The following PRKD1 variants were observed in gnomAD, a reference collection of about 807,000 sequenced individuals.
PRKD1 encodes serine/threonine-protein kinase D1.
Under a neutral mutation model 95.9 loss-of-function variants are expected in PRKD1, and 63 were observed. The observed-to-expected ratio is 0.66, with a 90% CI of 0.54 to 0.81. The LOEUF (loss-of-function observed/expected upper bound fraction) is 0.81. Among genes scored for constraint, PRKD1 ranks in the 30% least tolerant of loss-of-function variants. PRKD1 has a pLI of 0.00. For missense variants in PRKD1, 1,048 were observed against 1,165.3 expected (o/e 0.90, Z 1.47); for synonymous variants, 425 against 423.1 (o/e 1.00, Z -0.05).
chr14:29,598,380 T>C (rs1011766065), intron 15 of PRKD1, among the ~76,000 whole-genome samples: 1 of 151,290 alleles, frequency 6.6e-6, no homozygotes, highest in Non-Finnish European at 1.5e-5. Flanking sequence ...GAGACAAATA[T>C]GAAGACAAGT....
At chr14:29,883,947 C>A (rs1038605975) in intron 1 of PRKD1, among the ~76,000 whole-genome samples, 3 of 152,148 alleles carry the variant, frequency 2.0e-5, no homozygotes, top group African/African-American at 7.2e-5. Context: ...TTTAACCTCC[C>A]CATATGGTTG....
chr14:29,694,096 T>C (rs66634512), intron 2 of PRKD1, among the ~76,000 whole-genome samples: 10,502 of 152,204 alleles, frequency 0.069, 924 homozygotes, highest in African/African-American at 0.2. Context: ...GATCCTCCAA[T>C]AGTTCTTCCT....
intron 1 of PRKD1, among the ~76,000 whole-genome samples, chr14:29,825,736 G>C (rs1891083406): frequency 6.6e-6 from 1 of 152,022 alleles, no homozygotes; most frequent in East Asian, 1.9e-4. Flanking sequence ...TGTCAACATA[G>C]TGGTTTTTGA....
chr14:29,639,508 A>T (rs546890589), intron 4 of PRKD1, among the ~76,000 whole-genome samples: 8 of 152,194 alleles, frequency 5.3e-5, no homozygotes, highest in African/African-American at 1.9e-4. Context: ...AATCCCAGCT[A>T]CTCGGTATGC....
At chr14:29,832,934 G>C (rs2139298581) in intron 1 of PRKD1, among the ~76,000 whole-genome samples, 1 of 151,966 alleles carries the variant, frequency 6.6e-6, no homozygotes, top group South Asian at 2.1e-4. Flanking sequence ...TGTATATGCA[G>C]CCTTCTTTCT....
At chr14:29,819,605 G>T (rs1253423649) in intron 1 of PRKD1, among the ~76,000 whole-genome samples, 1 of 152,074 alleles carries the variant, frequency 6.6e-6, no homozygotes, top group Admixed American at 6.6e-5. Flanking sequence ...AAGGAGAATG[G>T]CATGAACCCG....
Position 29,663,148 on chromosome 14 carries a change from C to CATATATATATATATATAT in PRKD1, c.696+533_696+550dup, listed in dbSNP as rs61506580. Among the ~76,000 whole-genome samples, 316 of 131,594 alleles carry CATATATATATATATATAT rather than the reference C, an allele frequency of 2.4e-3. 3 individuals are homozygous for CATATATATATATATATAT. The highest frequency in any genetic ancestry group is 0.019 in the South Asian group (75 of 3,942). The allele number at this position is 131,594 out of a possible 152,430, so 86.3% of individuals were successfully genotyped here. On this transcript the variant is annotated intron_variant, in intron 4 of 17. Coordinates refer to ENST00000331968, the MANE Select transcript of PRKD1 (RefSeq NM_002742.3). ...CTTATGGATATAGTTAATATTCTTC[C>CATATATATATATATATAT]ATATATATATATATATATATATTCT... is the stretch of plus-strand genomic sequence containing the variant.
At chr14:29,608,573 C>T (rs919271345) in intron 13 of PRKD1, among the ~76,000 whole-genome samples, 1 of 152,060 alleles carries the variant, frequency 6.6e-6, no homozygotes, top group African/African-American at 2.4e-5. Context: ...TTTCTTGTTG[C>T]CAACCCTAAG....
chr14:29,760,722 T>C (rs763783390), intron 1 of PRKD1, among the ~76,000 whole-genome samples: 2 of 152,222 alleles, frequency 1.3e-5, no homozygotes, highest in African/African-American at 4.8e-5. Flanking sequence ...CTACACCTAG[T>C]AGCTCCATTC....
At chr14:29,592,467 C>T (rs75751635) in intron 16 of PRKD1, among the ~76,000 whole-genome samples, 17,566 of 152,106 alleles carry the variant, frequency 0.12, 1,073 homozygotes, top group East Asian at 0.18. Flanking sequence ...CAATTTATTA[C>T]TTAACTATTG....
intron 4 of PRKD1, among the ~76,000 whole-genome samples, chr14:29,653,168 T>C (rs550933981): frequency 2.0e-5 from 3 of 152,186 alleles, no homozygotes; most frequent in Non-Finnish European, 4.4e-5. Flanking sequence ...TTAGAAAATA[T>C]GCAACCTCAC....
intron 1 of PRKD1, among the ~76,000 whole-genome samples, chr14:29,841,442 T>C (rs893307789): frequency 6.6e-6 from 1 of 152,088 alleles, no homozygotes; most frequent in Non-Finnish European, 1.5e-5. Flanking sequence ...AAGAACCCAT[T>C]GGGGGGTTAC....
chr14:29,604,525 A>C (rs1024318257), intron 13 of PRKD1, among the ~76,000 whole-genome samples: 3 of 152,196 alleles, frequency 2.0e-5, no homozygotes, highest in African/African-American at 7.2e-5. Flanking sequence ...AGAAGGAAGA[A>C]TATTCCATCA....
intron 1 of PRKD1, among the ~76,000 whole-genome samples, chr14:29,848,853 T>G (rs776320826): frequency 5.3e-5 from 8 of 152,152 alleles, no homozygotes; most frequent in Non-Finnish European, 1.2e-4. Context: ...AAATAATATA[T>G]GGCAAAGGAT....
intron 14 of PRKD1, 47 bp from the exon 15 acceptor site, chr14:29,599,172 A>T: frequency 6.6e-7 from 1 of 1,526,642 alleles, no homozygotes. Context: ...ATTAATTTCA[A>T]AATGTCTTCT....
intron 1 of PRKD1, among the ~76,000 whole-genome samples, chr14:29,862,439 T>C (rs1892742813): frequency 6.6e-6 from 1 of 152,178 alleles, no homozygotes; most frequent in Non-Finnish European, 1.5e-5. Flanking sequence ...TATTTTTAGT[T>C]TTTTGAGGAA....
intron 4 of PRKD1, among the ~76,000 whole-genome samples, chr14:29,660,928 A>G (rs966348868): frequency 3.3e-5 from 5 of 152,168 alleles, no homozygotes; most frequent in African/African-American, 1.2e-4. Context: ...ACAAAAAAAA[A>G]AATCCATGCC....
chr14:29,790,482 T>A (rs1382079595), intron 1 of PRKD1, among the ~76,000 whole-genome samples: 1 of 152,210 alleles, frequency 6.6e-6, no homozygotes, highest in Non-Finnish European at 1.5e-5. Flanking sequence ...CATTAATCAA[T>A]TGACTGAGTT....
intron 13 of PRKD1, among the ~76,000 whole-genome samples, chr14:29,623,273 T>G (rs1879398093): frequency 6.6e-6 from 1 of 152,212 alleles, no homozygotes; most frequent in South Asian, 2.1e-4. Context: ...TGTGGCTGTC[T>G]GTGCACATGA....
Sources: allele counts gnomAD v4.1 joint callset (sites outside exome capture counted in the v4.1 genomes callset), GRCh38; gene constraint gnomAD v4.1.1; transcripts MANE v1.5; gene names NCBI Gene and HGNC (gene_info 2026-07-23, HGNC 2026-07-21).